The following ADCY8 variants were observed in gnomAD, a reference collection of about 807,000 sequenced individuals.
ADCY8 encodes the protein adenylate cyclase 8.
ADCY8 carries 51 observed loss-of-function variants against 119.7 expected under a neutral mutation model. The ratio of observed to expected loss-of-function variants is 0.43; its 90% CI spans 0.34 to 0.54. ADCY8 has a LOEUF of 0.54. ADCY8 is among the 20% of genes least tolerant of loss of function. The probability of loss-of-function intolerance (pLI) is 0.03; values close to 1 mark genes in which losing one functional copy is unlikely to be tolerated. For missense variants in ADCY8, 1,383 were observed against 1,598.8 expected, an observed-to-expected ratio of 0.87 and a Z score of 2.30; for synonymous variants, 665 against 651.0, an observed-to-expected ratio of 1.02 and a Z score of -0.33.
chr8:130,947,396 A>G (rs1199859531), intron 3 of ADCY8, among the ~76,000 whole-genome samples: 1 of 152,246 alleles, frequency 6.6e-6, no homozygotes, highest in East Asian at 1.9e-4. Flanking sequence ...GACTACCATA[A>G]GAAGACAACT....
intron 4 of ADCY8, 95 bp downstream of exon 4, chr8:130,943,256 A>T (rs1017924906): frequency 5.9e-6 from 5 of 845,654 alleles, no homozygotes; most frequent in Non-Finnish European, 9.7e-6. Flanking sequence ...AATGGTAATG[A>T]CATTGGGGAA....
At position 130,839,102 on chromosome 8, in the gene ADCY8, T is replaced by C. The variant is rs1055800925; in HGVS notation, c.2503-2653A>G. On this transcript the variant is annotated intron_variant, in intron 11 of 17. Coordinates refer to ENST00000286355, the MANE Select transcript of ADCY8 (RefSeq NM_001115.3). ...GTGTCAGGAGGATTGATTCCTTAGG[T>C]CATATTAGAGAATCATACAACTACT... Among the ~76,000 whole-genome samples the C allele has an allele frequency of 7.9e-5, 11 of 139,088 alleles. 1 individual carries two copies. Among genetic ancestry groups the C allele is most frequent in the Admixed American group, 2.2e-4 (3 of 13,650 alleles). 91.2% of individuals were successfully genotyped at this position (139,088 alleles called of 152,430 possible).
chr8:130,819,507 A>G (rs1816443324), intron 13 of ADCY8, among the ~76,000 whole-genome samples: 1 of 152,166 alleles, frequency 6.6e-6, no homozygotes, highest in Middle Eastern at 3.2e-3. Context: ...GACAGAAGAG[A>G]CAGAACCATT....
chr8:130,820,106 C>A (rs775364213), intron 13 of ADCY8, among the ~76,000 whole-genome samples: 7 of 152,196 alleles, frequency 4.6e-5, no homozygotes, highest in Non-Finnish European at 8.8e-5. Context: ...AGAGAAAGTG[C>A]TAGGCACATA....
intron 1 of ADCY8, among the ~76,000 whole-genome samples, chr8:131,033,965 G>A (rs1824072091): frequency 6.6e-6 from 1 of 151,976 alleles, no homozygotes; most frequent in African/African-American, 2.4e-5. Context: ...ATGCTGGAAA[G>A]CCGACATTAT....
At chr8:130,917,397 AGGTAAT>A in intron 5 of ADCY8, among the ~76,000 whole-genome samples, 1 of 152,300 alleles carries the variant, frequency 6.6e-6, no homozygotes, top group East Asian at 1.9e-4. Flanking sequence ...CACGGGTGTT[AGGTAAT>A]GCCAGACTCC....
intron 3 of ADCY8, among the ~76,000 whole-genome samples, chr8:130,948,283 A>C (rs889175092): frequency 6.6e-6 from 1 of 152,232 alleles, no homozygotes; most frequent in South Asian, 2.1e-4. Context: ...TGGGGGAAAA[A>C]CAGGAAAGAT....
intron 13 of ADCY8, among the ~76,000 whole-genome samples, chr8:130,817,291 C>T (rs895228520): frequency 6.6e-6 from 1 of 152,158 alleles, no homozygotes; most frequent in Non-Finnish European, 1.5e-5. Flanking sequence ...GTGGAAGTAT[C>T]ACACTGTGAA....
Position 130,800,476 on chromosome 8 carries a change from C to G in ADCY8, c.3010G>C (p.Gly1004Arg). 6.2e-7 allele frequency: 1 copy of G among 1,614,160 alleles called. No homozygotes were observed. Among genetic ancestry groups the G allele is most frequent in the Non-Finnish European group, 8.5e-7 (1 of 1,180,032 alleles). ...FYSQTEMNNQ[G>R]VECLRLLNEI... ...TTGAGCAAGCGCAGGCATTCCACTC[C>G]CTGGTTATTCATTTCAGTCTGAGAG... is the stretch of plus-strand genomic sequence containing the variant. The change falls in exon 15 of 18, where the codon GGA becomes CGA. Residue 1004 changes from glycine (G) to arginine (R), a missense_variant. By Grantham distance (125) the Gly-to-Arg change is moderately radical. This residue lies in a region of ADCY8 where 928 missense variants were observed against 1,163.5 expected (regional missense o/e 0.80). Coordinates refer to ENST00000286355, the MANE Select transcript of ADCY8 (RefSeq NM_001115.3).
At chr8:130,898,693 G>C (rs1205221541) in intron 7 of ADCY8, among the ~76,000 whole-genome samples, 1 of 152,194 alleles carries the variant, frequency 6.6e-6, no homozygotes, top group Non-Finnish European at 1.5e-5. Flanking sequence ...AAGGGGCCTT[G>C]CTTCTCAAAG....
At chr8:130,787,339 A>G (rs559726504) in intron 15 of ADCY8, among the ~76,000 whole-genome samples, 29 of 152,288 alleles carry the variant, frequency 1.9e-4, no homozygotes, top group African/African-American at 6.5e-4. Context: ...TTGAAAGATT[A>G]TATTGGTGGT....
At chr8:130,800,190 T>C (rs1199784113) in intron 15 of ADCY8, among the ~76,000 whole-genome samples, 1 of 152,222 alleles carries the variant, frequency 6.6e-6, no homozygotes, top group Non-Finnish European at 1.5e-5. Flanking sequence ...CACTGGGTTA[T>C]GTTACTTAGC....
rs1158180233 is a variant in ADCY8 at position 131,040,085 on chromosome 8, C to T, written c.249G>A (p.Leu83=). ...AGAGGGGCAGCGCCGAGTCGCCTGA[C>T]AGCTGCGGCGCGTGGTGGTTGGGGC... The part of the protein sequence containing the change: ...GGGPNHHAPQ[L]SGDSALPLYS... Residue 83 remains leucine (L), a synonymous_variant, in exon 1 of 18, where the codon CTG becomes CTA. Transcript: ENST00000286355. 2.0e-6 allele frequency: 3 copies of T among 1,532,832 alleles called. No homozygotes were observed. Among genetic ancestry groups the T allele is most frequent in the South Asian group, 1.2e-5 (1 of 82,850 alleles). The allele number at this position is 1,532,832 out of a possible 1,614,324, so 95.0% of individuals were successfully genotyped here.
chr8:130,896,270 G>C (rs1819384550), intron 7 of ADCY8, among the ~76,000 whole-genome samples: 1 of 152,128 alleles, frequency 6.6e-6, no homozygotes, highest in Non-Finnish European at 1.5e-5. Flanking sequence ...TCTATCCCCA[G>C]ATCCTAGAAC....
At chr8:130,858,182 T>TA (rs78471552) in intron 9 of ADCY8, among the ~76,000 whole-genome samples, 60,249 of 151,956 alleles carry the variant, frequency 0.4, 12,419 homozygotes, top group African/African-American at 0.5. Flanking sequence ...AATTGTTTTT[T>TA]AAAAAACAGA....
intron 11 of ADCY8, among the ~76,000 whole-genome samples, chr8:130,841,163 G>C (rs1410248507): frequency 6.6e-6 from 1 of 152,110 alleles, no homozygotes. Flanking sequence ...GTGGAAAGTA[G>C]ATGTAACAAT....
At chr8:130,934,156 A>G (rs2130616987) in intron 5 of ADCY8, among the ~76,000 whole-genome samples, 1 of 152,292 alleles carries the variant, frequency 6.6e-6, no homozygotes, top group African/African-American at 2.4e-5. Flanking sequence ...AGTTGTAGAG[A>G]TCTCTGATCT....
intron 3 of ADCY8, among the ~76,000 whole-genome samples, chr8:130,950,546 G>A (rs944802680): frequency 6.6e-6 from 1 of 152,214 alleles, no homozygotes; most frequent in Admixed American, 6.5e-5. Flanking sequence ...GTCAGAGACA[G>A]TGGCAGTGGC....
chr8:131,000,856 G>C (rs1822922563), intron 1 of ADCY8, among the ~76,000 whole-genome samples: 1 of 152,028 alleles, frequency 6.6e-6, no homozygotes. Flanking sequence ...GGAAGGAGGT[G>C]CGCGTTGTCT....
Sources: gnomAD v4.1 joint callset for allele counts (sites outside exome capture counted in the v4.1 genomes callset) on GRCh38, gnomAD v4.1.1 for gene constraint, gnomAD v4.1.1 regional missense constraint, MANE v1.5 for transcripts, NCBI Gene and HGNC (gene_info 2026-07-23, HGNC 2026-07-21) for gene names.